COL14A1: variants seen among roughly 807,000 people sequenced by gnomAD.
COL14A1 encodes collagen type XIV alpha 1 chain, also known as collagen alpha-1(XIV) chain.
A neutral mutation model predicts 230.3 loss-of-function variants in COL14A1; 136 were observed. That is an observed-to-expected ratio of 0.59 (90% CI 0.51 to 0.68). The LOEUF (loss-of-function observed/expected upper bound fraction) is 0.68. COL14A1 is among the 30% of genes least tolerant of loss of function. The pLI, the probability that COL14A1 is intolerant of heterozygous loss-of-function variation, is 0.00. For synonymous variants in COL14A1, 792 were observed against 784.1 expected (o/e 1.01, Z -0.17); for missense variants, 1,976 against 2,215.8 (o/e 0.89, Z 2.17).
intron 10 of COL14A1, 69 bp downstream of exon 10, chr8:120,207,163 A>T: frequency 7.9e-7 from 1 of 1,262,942 alleles, no homozygotes; most frequent in Non-Finnish European, 1.1e-6. Context: ...AGTGAGAACA[A>T]GGCAGAAATA....
At chr8:120,345,089 A>G (rs1215748792) in intron 44 of COL14A1, among the ~76,000 whole-genome samples, 1 of 152,206 alleles carries the variant, frequency 6.6e-6, no homozygotes, top group Non-Finnish European at 1.5e-5. Context: ...GAGGGTAAAG[A>G]TGAAATTTAC....
intron 5 of COL14A1, among the ~76,000 whole-genome samples, chr8:120,178,221 C>T (rs1445270402): frequency 6.6e-6 from 1 of 152,132 alleles, no homozygotes; most frequent in African/African-American, 2.4e-5. Context: ...TGCTATCCCT[C>T]CCCTAGCCTC....
Position 120,332,711 on chromosome 8 carries a change from A to G in COL14A1, c.4761A>G (p.Gly1587=), listed in dbSNP as rs1405203867. The G allele has an allele frequency of 8.7e-6, 14 of 1,613,402 alleles. No individual in the cohort carries two copies. The highest frequency in any genetic ancestry group is 1.1e-5 in the Non-Finnish European group (13 of 1,179,536). Residue 1587 remains glycine, a synonymous_variant, in exon 42 of 48, where the codon GGA becomes GGG. Transcript: ENST00000297848. Reference sequence around the variant, plus strand: ...TCCCAGGGATCACAGGAAGCATGGGACCGCAAGGCGCCCTGGGACCACCTG... The same window carrying G: ...TCCCAGGGATCACAGGAAGCATGGGGCCGCAAGGCGCCCTGGGACCACCTG... The part of the protein sequence containing the change: ...PGVPGITGSM[G]PQGALGPPGV...
At chr8:120,259,563 C>G (rs2129743956) in intron 23 of COL14A1, among the ~76,000 whole-genome samples, 1 of 152,300 alleles carries the variant, frequency 6.6e-6, no homozygotes, top group Admixed American at 6.5e-5. Flanking sequence ...TGGAACCCCT[C>G]TTTGTTAGTA....
At chr8:120,272,618 A>T (rs1160977137) in intron 26 of COL14A1, among the ~76,000 whole-genome samples, 1 of 151,748 alleles carries the variant, frequency 6.6e-6, no homozygotes, top group Non-Finnish European at 1.5e-5. Flanking sequence ...ATGCAAATGG[A>T]AACCCAAAGC....
intron 1 of COL14A1, among the ~76,000 whole-genome samples, chr8:120,128,884 T>C (rs919174068): frequency 6.6e-6 from 1 of 152,060 alleles, no homozygotes; most frequent in African/African-American, 2.4e-5. Context: ...GGTCCAGAGG[T>C]AGGTTGTGCT....
At position 120,209,768 on chromosome 8, in the gene COL14A1, T is replaced by C. The variant is rs768312999; in HGVS notation, c.1334T>C (p.Met445Thr). ...AAATCTCTTGCAGTTGCTTTACCGA[T>C]GGCTTCTGACCTTCTACTGTACGAC... ...RGTETTLALP[M>T]ASDLLLYDVT... is the part of the protein sequence containing the mutation. Residue 445 changes from methionine (M) to threonine (T), a missense_variant, in exon 12 of 48, where the codon ATG (methionine) becomes ACG (threonine). Coordinates refer to ENST00000297848, the MANE Select transcript of COL14A1 (RefSeq NM_021110.4). 19 of 1,607,246 alleles carry C rather than the reference T, an allele frequency of 1.2e-5. No homozygotes were observed. The highest frequency in any genetic ancestry group is 6.7e-5 in the East Asian group (3 of 44,778).
At chr8:120,255,783 G>GT (rs80323709) in intron 23 of COL14A1, among the ~76,000 whole-genome samples, 87 of 146,612 alleles carry the variant, frequency 5.9e-4, no homozygotes, top group Admixed American at 9.5e-4. Context: ...TTTTCTTAGT[G>GT]TTTTTTTTTT....
At chr8:120,319,538 G>A (rs1821362384) in intron 40 of COL14A1, among the ~76,000 whole-genome samples, 1 of 152,136 alleles carries the variant, frequency 6.6e-6, no homozygotes, top group South Asian at 2.1e-4. Flanking sequence ...CCATCACCTT[G>A]ACTGAAAGCT....
intron 42 of COL14A1, among the ~76,000 whole-genome samples, chr8:120,341,073 G>A (rs187357078): frequency 1.1e-3 from 164 of 152,260 alleles, no homozygotes; most frequent in African/African-American, 3.1e-3. Flanking sequence ...ATTGCTGCAC[G>A]ATTCCAATTT....
rs1195817209 is a variant in COL14A1 at position 120,278,466 on chromosome 8, G to C, written c.3369G>C (p.Leu1123Phe). 6.2e-7 allele frequency: 1 copy of C among 1,612,954 alleles called. No individual in the cohort carries two copies. The highest frequency in any genetic ancestry group is 1.1e-5 in the South Asian group (1 of 90,960). The change falls in exon 28 of 48, where the codon TTG becomes TTC. Residue 1123 changes from leucine to phenylalanine, a missense_variant. Physicochemically the swap from Leu to Phe is conservative, Grantham distance 22. Transcript: ENST00000297848. ...CAATTAAGTATGTTCGAGATACCTTGTTCACTGCAGAGTCAGGTACAAGAA... is the reference window on the plus strand; with the variant it reads ...CAATTAAGTATGTTCGAGATACCTTCTTCACTGCAGAGTCAGGTACAAGAA... Reference protein sequence around the residue: ...GKAIKYVRDTLFTAESGTRRG... With the variant: ...GKAIKYVRDTFFTAESGTRRG...
chr8:120,242,674 C>A (rs1818641744), intron 19 of COL14A1, among the ~76,000 whole-genome samples: 1 of 152,164 alleles, frequency 6.6e-6, no homozygotes, highest in Admixed American at 6.5e-5. Flanking sequence ...TTCTCAGGAC[C>A]CCGAGTCCAC....
chr8:120,301,317 T>C (rs1165521609), intron 36 of COL14A1, among the ~76,000 whole-genome samples: 4 of 152,110 alleles, frequency 2.6e-5, no homozygotes, highest in Non-Finnish European at 5.9e-5. Context: ...CCAAGTCTAG[T>C]ACTCAATAGC....
At chr8:120,365,924 G>T (rs1032569589) in intron 45 of COL14A1, among the ~76,000 whole-genome samples, 2 of 152,172 alleles carry the variant, frequency 1.3e-5, no homozygotes, top group African/African-American at 4.8e-5. Flanking sequence ...GAGATGCCAG[G>T]CTATGTCTTG....
chr8:120,362,934 G>A (rs1290225430), intron 45 of COL14A1, among the ~76,000 whole-genome samples: 1 of 152,134 alleles, frequency 6.6e-6, no homozygotes, highest in Non-Finnish European at 1.5e-5. Flanking sequence ...TATATGAGCT[G>A]TGCTCATTTT....
intron 12 of COL14A1, among the ~76,000 whole-genome samples, chr8:120,210,273 G>A (rs1251284110): frequency 6.6e-6 from 1 of 152,118 alleles, no homozygotes; most frequent in Non-Finnish European, 1.5e-5. Context: ...TAGATAGCTT[G>A]CTATATAAAT....
chr8:120,332,229 G>C (rs762378285), intron 41 of COL14A1, 35 bp downstream of exon 41: 1 of 1,583,564 alleles, frequency 6.3e-7, no homozygotes, highest in South Asian at 1.1e-5. Flanking sequence ...GACATACTCT[G>C]TTTTAAAGCA....
At chr8:120,140,586 C>T (rs1002246403) in intron 1 of COL14A1, among the ~76,000 whole-genome samples, 6 of 152,008 alleles carry the variant, frequency 3.9e-5, no homozygotes, top group African/African-American at 4.8e-5. Context: ...AAGTCACCAA[C>T]GATTGAATAC....
chr8:120,373,535 A>G lies in COL14A1; in HGVS notation c.*2304A>G, dbSNP rs1451217470. Among the ~76,000 whole-genome samples, 2 of 152,180 alleles carry G rather than the reference A, an allele frequency of 1.3e-5. No individual in the cohort carries two copies. The highest frequency in any genetic ancestry group is 4.8e-5 in the African/African-American group (2 of 41,442). ...CTTAATTTATAGTTTGTAAGTTTAT[A>G]CTGTTTTCTAAAAGTAATAAATCAT... On this transcript the variant is annotated 3_prime_UTR_variant, in exon 48 of 48. Coordinates refer to ENST00000297848, the MANE Select transcript of COL14A1 (RefSeq NM_021110.4).
Sources: gnomAD v4.1 joint callset for allele counts (sites outside exome capture counted in the v4.1 genomes callset) on GRCh38, gnomAD v4.1.1 for gene constraint, MANE v1.5 for transcripts, NCBI Gene and HGNC (gene_info 2026-07-23, HGNC 2026-07-21) for gene names.